Variants in TMPRSS11F observed in about 807,000 individuals in gnomAD.
TMPRSS11F encodes transmembrane serine protease 11F.
Under a neutral mutation model 60.2 loss-of-function variants are expected in TMPRSS11F, and 47 were observed. The ratio of observed to expected loss-of-function variants is 0.78; its 90% CI spans 0.62 to 1.00. The LOEUF is 1.00. Ranked by LOEUF, TMPRSS11F falls within the 50% of genes least tolerant of loss-of-function variation. The probability of loss-of-function intolerance (pLI) is 0.00; values close to 1 mark genes in which losing one functional copy is unlikely to be tolerated. For missense variants in TMPRSS11F, 519 were observed against 522.9 expected (o/e 0.99, Z 0.07); for synonymous variants, 166 against 167.3 (o/e 0.99, Z 0.06).
intron 7 of TMPRSS11F, among the ~76,000 whole-genome samples, chr4:68,067,048 A>G (rs907902921): frequency 6.6e-6 from 1 of 151,992 alleles, no homozygotes; most frequent in African/African-American, 2.4e-5. Context: ...AATTATTAAT[A>G]TATCACTTCT....
chr4:68,104,489 CT>C (rs1179590553), intron 1 of TMPRSS11F, among the ~76,000 whole-genome samples: 6 of 152,068 alleles, frequency 3.9e-5, no homozygotes, highest in Non-Finnish European at 7.4e-5. Flanking sequence ...TTATAAGATG[CT>C]TTTCCCTGCC....
chr4:68,063,045 A>G (rs756575476), intron 8 of TMPRSS11F: 10 of 662,844 alleles, frequency 1.5e-5, no homozygotes, highest in South Asian at 1.1e-4. Flanking sequence ...TCACAGACAC[A>G]TTTTATCTTG....
At chr4:68,090,482 A>C in intron 3 of TMPRSS11F, 41 bp downstream of exon 3, 9 of 1,544,174 alleles carry the variant, frequency 5.8e-6, no homozygotes, top group Non-Finnish European at 7.0e-6. Flanking sequence ...AGTGATGCAA[A>C]AGACACATTA....
intron 2 of TMPRSS11F, among the ~76,000 whole-genome samples, chr4:68,097,614 G>A (rs2109870529): frequency 6.6e-6 from 1 of 152,190 alleles, no homozygotes; most frequent in African/African-American, 2.4e-5. Flanking sequence ...GGACATCTTG[G>A]CATGGGAATG....
At position 68,053,561 on chromosome 4, in the gene TMPRSS11F, A is replaced by C. The variant is rs1722983383; in HGVS notation, c.*348T>G. 1 of 173,026 alleles carries C rather than the reference A, an allele frequency of 5.8e-6. No homozygotes were observed. Among genetic ancestry groups the C allele is most frequent in the African/African-American group, 2.4e-5 (1 of 42,266 alleles). 10.7% of individuals were successfully genotyped at this position (173,026 alleles called of 1,614,324 possible). ...ACATGCTCCAGGTATTATATGAGGT[A>C]AGATTTTGGCATTACTGGCAGCTCT... is the stretch of plus-strand genomic sequence containing the variant. On this transcript the variant is annotated 3_prime_UTR_variant, in exon 10 of 10. Transcript: ENST00000356291.
intron 3 of TMPRSS11F, among the ~76,000 whole-genome samples, chr4:68,084,868 A>G (rs1268919025): frequency 8.5e-5 from 11 of 129,530 alleles, no homozygotes; most frequent in Admixed American, 2.3e-4. Flanking sequence ...ATATCTCCCA[A>G]TGCTATCCCT....
At chr4:68,055,505 T>A (rs1723025631) in intron 9 of TMPRSS11F, among the ~76,000 whole-genome samples, 1 of 152,120 alleles carries the variant, frequency 6.6e-6, no homozygotes, top group Non-Finnish European at 1.5e-5. Context: ...GACTGAATCA[T>A]GAAGAAGTGG....
chr4:68,091,794 T>TCTAC (rs1553887429), intron 2 of TMPRSS11F, among the ~76,000 whole-genome samples: 3,443 of 145,794 alleles, frequency 0.024, 144 homozygotes, highest in African/African-American at 0.082. Flanking sequence ...TATCTATCTA[T>TCTAC]CTATCTTTTT....
chr4:68,126,917 A>G (rs1472710474), intron 1 of TMPRSS11F, among the ~76,000 whole-genome samples: 2 of 152,208 alleles, frequency 1.3e-5, no homozygotes, highest in Non-Finnish European at 2.9e-5. Flanking sequence ...CAGGAGGAAC[A>G]TCCATTGTAG....
chr4:68,070,101 A>G, intron 5 of TMPRSS11F, 94 bp from the exon 6 acceptor site: 2 of 989,766 alleles, frequency 2.0e-6, no homozygotes, highest in Non-Finnish European at 3.1e-6. Flanking sequence ...AATGTGAATT[A>G]TCTAAAGCAT....
intron 8 of TMPRSS11F, chr4:68,062,536 T>C (rs763191706): frequency 2.6e-6 from 2 of 759,356 alleles, no homozygotes; most frequent in South Asian, 2.7e-5. Flanking sequence ...TGTTTGCTTA[T>C]TGTATTCATC....
intron 3 of TMPRSS11F, among the ~76,000 whole-genome samples, chr4:68,084,560 C>G (rs573840321): frequency 1.9e-4 from 29 of 152,210 alleles, no homozygotes; most frequent in Middle Eastern, 3.4e-3. Flanking sequence ...CCCTGCCAAA[C>G]TAAGCTTCAT....
At chr4:68,064,188 T>C (rs906086534) in intron 8 of TMPRSS11F, among the ~76,000 whole-genome samples, 1 of 150,550 alleles carries the variant, frequency 6.6e-6, no homozygotes, top group Non-Finnish European at 1.5e-5. Context: ...TTCTTTTTTT[T>C]CTTTTTTTTT....
At position 68,072,369 on chromosome 4, in the gene TMPRSS11F, G is replaced by C; in HGVS notation, c.468C>G (p.Thr156=). The change falls in exon 5 of 10, where the codon ACC becomes ACG. Residue 156 remains threonine (T), a synonymous_variant. Transcript: ENST00000356291. ...TGTTTATGGTCAAAGACAATTGTTT[G>C]GTCTTCAAACTTTGATATAAAGCCT... ...IEKALYQSLK[T]KQLSLTINKP... The C allele has an allele frequency of 6.2e-7, 1 of 1,604,502 alleles. No individual in the cohort carries two copies. The highest frequency in any genetic ancestry group is 8.5e-7 in the Non-Finnish European group (1 of 1,174,960).
intron 5 of TMPRSS11F, among the ~76,000 whole-genome samples, chr4:68,071,516 A>G (rs777045509): frequency 5.9e-5 from 9 of 152,190 alleles, no homozygotes; most frequent in Non-Finnish European, 1.3e-4. Flanking sequence ...ATCACATGTG[A>G]CATGTATGCT....
At chr4:68,083,669 A>AT (rs1412959021) in intron 3 of TMPRSS11F, among the ~76,000 whole-genome samples, 1 of 152,078 alleles carries the variant, frequency 6.6e-6, no homozygotes, top group African/African-American at 2.4e-5. Flanking sequence ...AATAATAATA[A>AT]AAAAAGCCCC....
At chr4:68,078,203 C>T (rs1173733364) in intron 3 of TMPRSS11F, among the ~76,000 whole-genome samples, 1 of 152,178 alleles carries the variant, frequency 6.6e-6, no homozygotes, top group Admixed American at 6.5e-5. Flanking sequence ...CTCTTATCTA[C>T]TGATTTAATT....
At chr4:68,081,433 A>AT (rs1456405910) in intron 3 of TMPRSS11F, among the ~76,000 whole-genome samples, 2 of 152,196 alleles carry the variant, frequency 1.3e-5, no homozygotes, top group Non-Finnish European at 2.9e-5. Flanking sequence ...TAAACAAACA[A>AT]TTTTTTACAG....
intron 9 of TMPRSS11F, among the ~76,000 whole-genome samples, chr4:68,057,856 G>A (rs1723079220): frequency 1.3e-5 from 1 of 76,884 alleles, no homozygotes; most frequent in Admixed American, 1.2e-4. Context: ...AGATAATATG[G>A]TATATCTACA....
Sources: gnomAD v4.1 joint callset for allele counts (sites outside exome capture counted in the v4.1 genomes callset) on GRCh38, gnomAD v4.1.1 for gene constraint, MANE v1.5 for transcripts, NCBI Gene and HGNC (gene_info 2026-07-23, HGNC 2026-07-21) for gene names.